DPYD: variants seen among roughly 807,000 people sequenced by gnomAD.
DPYD encodes the protein dihydropyrimidine dehydrogenase, also known as dihydropyrimidine dehydrogenase [NADP(+)].
A neutral mutation model predicts 116.2 loss-of-function variants in DPYD; 109 were observed. That is an observed-to-expected ratio of 0.94 (90% CI 0.80 to 1.10). The LOEUF is 1.10. DPYD is among the 50% of genes least tolerant of loss of function. The probability of loss-of-function intolerance (pLI) is 0.00; values close to 1 mark genes in which losing one functional copy is unlikely to be tolerated. For missense variants in DPYD, 1,302 were observed against 1,254.5 expected, an observed-to-expected ratio of 1.04 and a Z score of -0.57; for synonymous variants, 440 against 432.0, an observed-to-expected ratio of 1.02 and a Z score of -0.23.
chr1:97,547,474 G>A (rs1650987100), intron 12 of DPYD, among the ~76,000 whole-genome samples: 1 of 151,922 alleles, frequency 6.6e-6, no homozygotes, highest in Admixed American at 6.6e-5. Flanking sequence ...GTCTCCTTTG[G>A]GTTTTCCAGT....
At chr1:97,716,563 T>C (rs1217616235) in intron 5 of DPYD, among the ~76,000 whole-genome samples, 4 of 152,168 alleles carry the variant, frequency 2.6e-5, no homozygotes, top group Middle Eastern at 3.4e-3. Flanking sequence ...ATAAATGGAA[T>C]TGAGTTAACT....
At chr1:97,872,696 G>C (rs976380719) in intron 2 of DPYD, among the ~76,000 whole-genome samples, 6 of 151,888 alleles carry the variant, frequency 4.0e-5, no homozygotes, top group African/African-American at 7.2e-5. Context: ...CACAAACAAA[G>C]AATGTGCCTT....
At chr1:97,693,554 T>C (rs1478124006) in intron 6 of DPYD, among the ~76,000 whole-genome samples, 1 of 152,060 alleles carries the variant, frequency 6.6e-6, no homozygotes, top group African/African-American at 2.4e-5. Flanking sequence ...AGTAGAAAGA[T>C]TCTTAACAAC....
chr1:97,172,579 C>T (rs553201213), intron 20 of DPYD, among the ~76,000 whole-genome samples: 5 of 152,280 alleles, frequency 3.3e-5, no homozygotes, highest in African/African-American at 1.2e-4. Context: ...CCCTTCCTGG[C>T]AGTTGGAAGT....
intron 3 of DPYD, among the ~76,000 whole-genome samples, chr1:97,778,315 C>A (rs150095912): frequency 6.6e-6 from 1 of 151,356 alleles, no homozygotes; most frequent in South Asian, 2.1e-4. Context: ...AGAAAGCATA[C>A]CCATAAACAT....
At chr1:97,256,883 T>C (rs1043507951) in intron 18 of DPYD, among the ~76,000 whole-genome samples, 2 of 152,120 alleles carry the variant, frequency 1.3e-5, no homozygotes, top group African/African-American at 2.4e-5. Flanking sequence ...AATCATGTAG[T>C]CTATCTGTAA....
At chr1:97,564,334 T>C (rs766114597) in intron 11 of DPYD, among the ~76,000 whole-genome samples, 1 of 152,190 alleles carries the variant, frequency 6.6e-6, no homozygotes, top group Non-Finnish European at 1.5e-5. Context: ...TCTCTTCATA[T>C]TATGGAATAT....
chr1:97,900,674 CA>C (rs1207363940), intron 1 of DPYD, among the ~76,000 whole-genome samples: 3 of 151,840 alleles, frequency 2.0e-5, no homozygotes, highest in African/African-American at 7.2e-5. Flanking sequence ...TAGGTTTCTC[CA>C]TTTTAACTGA....
intron 18 of DPYD, among the ~76,000 whole-genome samples, chr1:97,291,266 GA>G (rs562617755): frequency 0.018 from 2,731 of 152,204 alleles, 86 homozygotes; most frequent in African/African-American, 0.062. Context: ...AACCATTATG[GA>G]AGTCAGTGTG....
intron 8 of DPYD, among the ~76,000 whole-genome samples, chr1:97,652,972 T>C (rs1658675710): frequency 1.3e-5 from 2 of 152,206 alleles, no homozygotes; most frequent in Admixed American, 1.3e-4. Flanking sequence ...CTCCGTGTTA[T>C]GGTGGACACC....
chr1:97,782,077 G>C (rs1029653953), intron 3 of DPYD, among the ~76,000 whole-genome samples: 4 of 152,164 alleles, frequency 2.6e-5, no homozygotes, highest in Admixed American at 2.6e-4. Flanking sequence ...TTAGTACAAG[G>C]TAACCATGTA....
chr1:97,867,825 CCCA>C, intron 2 of DPYD, among the ~76,000 whole-genome samples: 1 of 151,816 alleles, frequency 6.6e-6, no homozygotes, highest in Admixed American at 6.6e-5. Flanking sequence ...GACAAGGATA[CCCA>C]CTTTTACCAT....
At chr1:97,225,121 G>C (rs1570707775) in intron 19 of DPYD, among the ~76,000 whole-genome samples, 1 of 151,970 alleles carries the variant, frequency 6.6e-6, no homozygotes, top group East Asian at 1.9e-4. Flanking sequence ...CCAGAAGAAG[G>C]ATCGCTAGGT....
intron 10 of DPYD, among the ~76,000 whole-genome samples, chr1:97,582,565 G>C (rs1262651764): frequency 6.6e-6 from 1 of 152,068 alleles, no homozygotes; most frequent in Admixed American, 6.5e-5. Flanking sequence ...GTGAAATGCA[G>C]AACAATTTTT....
intron 15 of DPYD, among the ~76,000 whole-genome samples, chr1:97,377,696 T>C (rs887921785): frequency 6.6e-6 from 1 of 152,250 alleles, no homozygotes; most frequent in Non-Finnish European, 1.5e-5. Context: ...CTTCTCCTTC[T>C]TTCCTTACCT....
At chr1:97,843,356 TTAG>T (rs2101540708) in intron 2 of DPYD, among the ~76,000 whole-genome samples, 1 of 152,286 alleles carries the variant, frequency 6.6e-6, no homozygotes, top group Admixed American at 6.5e-5. Context: ...ACATTCAGAT[TTAG>T]TAGAAGAGGC....
intron 11 of DPYD, among the ~76,000 whole-genome samples, chr1:97,559,887 T>C (rs1652019260): frequency 6.6e-6 from 1 of 152,320 alleles, no homozygotes; most frequent in Non-Finnish European, 1.5e-5. Context: ...CATCAGCATG[T>C]AGCTGGCTCT....
At chr1:97,576,882 T>C (rs1210643066) in intron 10 of DPYD, among the ~76,000 whole-genome samples, 1 of 152,232 alleles carries the variant, frequency 6.6e-6, no homozygotes, top group African/African-American at 2.4e-5. Flanking sequence ...ACTAGACTAT[T>C]AAGCAGCAGA....
At chr1:97,242,699 C>G (rs970457384) in intron 18 of DPYD, among the ~76,000 whole-genome samples, 3 of 151,640 alleles carry the variant, frequency 2.0e-5, no homozygotes, top group African/African-American at 7.3e-5. Context: ...GAATAAGCAT[C>G]ATCAGTATAT....
Sources: allele counts gnomAD v4.1 joint callset (sites outside exome capture counted in the v4.1 genomes callset), GRCh38; gene constraint gnomAD v4.1.1; transcripts MANE v1.5; gene names NCBI Gene and HGNC (gene_info 2026-07-23, HGNC 2026-07-21).